The following TRPM2 variants were observed in gnomAD, a reference collection of about 807,000 sequenced individuals.
TRPM2 encodes estrogen-responsive element-associated gene 1 protein.
TRPM2 carries 161 observed loss-of-function variants against 174.0 expected under a neutral mutation model. The ratio of observed to expected loss-of-function variants is 0.93; its 90% CI spans 0.81 to 1.05. TRPM2 has a LOEUF of 1.05. Among genes scored for constraint, TRPM2 ranks in the 50% least tolerant of loss-of-function variants. TRPM2 has a pLI of 0.00. For synonymous variants in TRPM2, 954 were observed against 861.3 expected, an observed-to-expected ratio of 1.11 and a Z score of -1.88; for missense variants, 2,057 against 2,038.0, an observed-to-expected ratio of 1.01 and a Z score of -0.18.
intron 2 of TRPM2, among the ~76,000 whole-genome samples, chr21:44,358,726 T>A (rs1468210064): frequency 1.3e-5 from 2 of 152,108 alleles, no homozygotes; most frequent in African/African-American, 2.4e-5. Flanking sequence ...TCTAGGGAAC[T>A]CCTTTCCCCA....
chr21:44,431,713 T>A (rs1217202229), intron 27 of TRPM2, among the ~76,000 whole-genome samples: 4 of 152,202 alleles, frequency 2.6e-5, no homozygotes, highest in African/African-American at 9.7e-5. Context: ...CCTGACCTCG[T>A]GATCCGCCCG....
At chr21:44,359,388 C>CTTAGGGGTTTGTACGGA (rs1006809249) in intron 2 of TRPM2, among the ~76,000 whole-genome samples, 1 of 151,958 alleles carries the variant, frequency 6.6e-6, no homozygotes, top group Non-Finnish European at 1.5e-5. Flanking sequence ...TGAGCGTGAC[C>CTTAGGGGTTTGTACGGA]TTAGGGGTTT....
chr21:44,379,248 C>T (rs1195347944), intron 8 of TRPM2, 51 bp downstream of exon 8: 7 of 1,585,692 alleles, frequency 4.4e-6, no homozygotes, highest in East Asian at 2.2e-5. Flanking sequence ...TTTGCAGAGA[C>T]ACTGTCAGCC....
Position 44,439,289 on chromosome 21 carries a change from C to T in TRPM2, c.4269+121C>T. On this transcript the variant is annotated intron_variant, in intron 30 of 31. Transcript: ENST00000397928. This position sits in a 1 kb window ranked among gnomAD's most constrained non-coding sequence, Gnocchi z 5.1. ...GTGGCAGCGGTCCCACCCAGCTTCA[C>T]CAGGTGACGGTGGTCCCAGCCCCTG... The T allele has an allele frequency of 1.2e-6, 1 of 853,844 alleles. No homozygotes were observed. The highest frequency in any genetic ancestry group is 1.9e-6 in the Non-Finnish European group (1 of 538,442). 52.9% of individuals were successfully genotyped at this position (853,844 alleles called of 1,614,324 possible).
At chr21:44,400,034 C>A (rs2049562497) in intron 14 of TRPM2, among the ~76,000 whole-genome samples, 1 of 152,210 alleles carries the variant, frequency 6.6e-6, no homozygotes, top group South Asian at 2.1e-4. Flanking sequence ...AACTGCGGGG[C>A]CTTCGAAGCC....
intron 9 of TRPM2, among the ~76,000 whole-genome samples, chr21:44,389,986 C>T (rs529408345): frequency 1.6e-4 from 25 of 151,812 alleles, no homozygotes; most frequent in African/African-American, 5.8e-4. Context: ...CATTCTCCAG[C>T]TTCAGCCTCC....
Position 44,430,515 on chromosome 21 carries a change from C to T in TRPM2, c.3974+3404C>T, listed in dbSNP as rs1394642061. On this transcript the variant is annotated intron_variant, in intron 27 of 31. Transcript: ENST00000397928. The stretch of plus-strand genomic sequence containing the variant: ...CGCAATCTCGGCTCACTGCAAGCTC[C>T]GCTTCCCGGGTTCACGCCATTCTCC... Among the ~76,000 whole-genome samples, 2 of 14,404 alleles carry T rather than the reference C, an allele frequency of 1.4e-4. 1 individual carries two copies. The highest frequency in any genetic ancestry group is 3.0e-4 in the Non-Finnish European group (2 of 6,762). The allele number at this position is 14,404 out of a possible 152,430, so 9.4% of individuals were successfully genotyped here.
At position 44,368,362 on chromosome 21, in the gene TRPM2, C is replaced by T. The variant is rs1347857480; in HGVS notation, c.605-815C>T. Among the ~76,000 whole-genome samples, 6 of 152,152 alleles carry T rather than the reference C, an allele frequency of 3.9e-5. No individual in the cohort carries two copies. In the East Asian group the frequency reaches 1.2e-3, roughly 29 times the overall value. On this transcript the variant is annotated intron_variant, in intron 4 of 31. Transcript: ENST00000397928. ...GCTCAAGTAATCTTCCTGCCTTGGC[C>T]TCCCAAAGTGCTGGGATAACAGGCG...
chr21:44,435,339 G>A lies in TRPM2; in HGVS notation c.4061+122G>A, dbSNP rs914028577. ...GGGCGGCTTTGATGCTTGGCACTTGGTGCCTACTGGGGGGATGCGGGAGGC... is the reference window on the plus strand; with the variant it reads ...GGGCGGCTTTGATGCTTGGCACTTGATGCCTACTGGGGGGATGCGGGAGGC... On this transcript the variant is annotated intron_variant, in intron 28 of 31. Coordinates refer to ENST00000397928, the MANE Select transcript of TRPM2 (RefSeq NM_003307.4). 8.7e-6 allele frequency: 9 copies of A among 1,035,150 alleles called. No homozygotes were observed. The African/African-American group carries it at 1.4e-4, about 17-fold the overall frequency. The allele number at this position is 1,035,150 out of a possible 1,614,324, so 64.1% of individuals were successfully genotyped here. A position where few individuals can be genotyped will look rare whatever the true frequency, so the allele number is the denominator to read the frequency against.
At position 44,375,882 on chromosome 21, in the gene TRPM2, T is replaced by C. The variant is rs748161709; in HGVS notation, c.821T>C (p.Leu274Pro). Reference sequence around the variant, plus strand: ...CTGGATGAGGATGGCCAAGGGAACCTGACCTGCCTAGACAGCAACCACTCT... The same window carrying C: ...CTGGATGAGGATGGCCAAGGGAACCCGACCTGCCTAGACAGCAACCACTCT... ...YILDEDGQGN[L>P]TCLDSNHSHF... Residue 274 changes from leucine (L) to proline (P), a missense_variant, in exon 6 of 32, where the codon CTG becomes CCG. Transcript: ENST00000397928. The C allele has an allele frequency of 8.1e-6, 13 of 1,613,914 alleles. No homozygotes were observed. Among genetic ancestry groups the C allele is most frequent in the Non-Finnish European group, 1.1e-5 (13 of 1,180,006 alleles).
In TRPM2 at chr21:44,399,551, CT is replaced by C; in HGVS notation, c.2208+111del. The C allele has an allele frequency of 7.1e-7, 1 of 1,416,058 alleles. No individual in the cohort carries two copies. Among genetic ancestry groups the C allele is most frequent in the Non-Finnish European group, 9.3e-7 (1 of 1,073,008 alleles). The allele number at this position is 1,416,058 out of a possible 1,614,324, so 87.7% of individuals were successfully genotyped here. A position where few individuals can be genotyped will look rare whatever the true frequency, so the allele number is the denominator to read the frequency against. ...GCACACTCACACAGGCTTCAGGGCC[CT>C]CAGCAGCTCGGGGACAGCGCCTGAC... On this transcript the variant is annotated intron_variant, in intron 14 of 31. Transcript: ENST00000397928. This position sits in a 1 kb window ranked among gnomAD's most constrained non-coding sequence, Gnocchi z 4.6.
At chr21:44,414,188 A>T in intron 20 of TRPM2, 114 bp downstream of exon 20, 1 of 1,341,764 alleles carries the variant, frequency 7.5e-7, no homozygotes, top group Non-Finnish European at 1.0e-6. Flanking sequence ...GGGCTGGTGC[A>T]CAGAGGCGCG....
At chr21:44,364,502 G>A (rs1266941473) in intron 3 of TRPM2, among the ~76,000 whole-genome samples, 1 of 152,204 alleles carries the variant, frequency 6.6e-6, no homozygotes, top group African/African-American at 2.4e-5. Context: ...GCAAAGCAGG[G>A]TGGGGCACAG....
Position 44,409,613 on chromosome 21 carries a change from G to A in TRPM2, c.2962+2848G>A, listed in dbSNP as rs978336351. 1.1e-3 allele frequency among the ~76,000 whole-genome samples: 96 copies of A among 86,694 alleles called. 3 individuals are homozygous for A. In the Middle Eastern group the frequency reaches 0.026, roughly 24 times the overall value. 56.9% of individuals were successfully genotyped at this position (86,694 alleles called of 152,430 possible). On this transcript the variant is annotated intron_variant, in intron 19 of 31. Coordinates refer to ENST00000397928, the MANE Select transcript of TRPM2 (RefSeq NM_003307.4). Reference sequence around the variant, plus strand: ...GTCTTGGTTGGCGTAGCCTTGTAGTGAGTTTTGACTGCACTGTCTTGGCGT... The same window carrying A: ...GTCTTGGTTGGCGTAGCCTTGTAGTAAGTTTTGACTGCACTGTCTTGGCGT...
At chr21:44,377,800 A>G in intron 7 of TRPM2, 27 bp downstream of exon 7, 1 of 1,613,266 alleles carries the variant, frequency 6.2e-7, no homozygotes, top group Non-Finnish European at 8.5e-7. Flanking sequence ...GGGAGGGGGC[A>G]TGTGTGGGCC....
In TRPM2 at chr21:44,379,014, C is replaced by T. The variant is rs928475480; in HGVS notation, c.1032C>T (p.Thr344=). 1.1e-5 allele frequency: 17 copies of T among 1,607,234 alleles called. No homozygotes were observed. The African/African-American group carries it at 1.7e-4, about 16-fold the overall frequency. ...CCTTGCAGACCATCGACAACGCCAC[C>T]ACCAACGGCACCCCCTGTGTGGTTG... ...PGTLHTIDNA[T]TNGTPCVVVE... is the part of the protein sequence containing the mutation. Residue 344 remains threonine, a synonymous_variant, in exon 8 of 32, where the codon ACC becomes ACT. Coordinates refer to ENST00000397928, the MANE Select transcript of TRPM2 (RefSeq NM_003307.4).
intron 5 of TRPM2, 71 bp from the exon 6 acceptor site, chr21:44,375,762 T>C: frequency 1.4e-5 from 21 of 1,510,572 alleles, no homozygotes; most frequent in Non-Finnish European, 1.9e-5. Context: ...TGAGGGCCGG[T>C]GTTCAGCCTG....
chr21:44,404,235 GCA>G (rs562608642), intron 16 of TRPM2, among the ~76,000 whole-genome samples: 38 of 150,866 alleles, frequency 2.5e-4, no homozygotes, highest in African/African-American at 5.9e-4. Flanking sequence ...ACATACACAT[GCA>G]CACACACAAA....
rs140290337 is a variant in TRPM2 at position 44,425,809 on chromosome 21, C to T, written c.3777C>T (p.Asn1259=). 2.5e-3 allele frequency: 3,983 copies of T among 1,576,704 alleles called. 21 individuals carry two copies. Among genetic ancestry groups the T allele is most frequent in the Middle Eastern group, 0.017 (82 of 4,870 alleles). Residue 1259 remains asparagine, a synonymous_variant, in exon 25 of 32, where the codon AAC becomes AAT. Coordinates refer to ENST00000397928, the MANE Select transcript of TRPM2 (RefSeq NM_003307.4). ...NCPVTRFPVP[N]EKVPWETEFL... is the part of the protein sequence containing the mutation. ...CTGTCACGCGCTTCCCCGTGCCCAACGAGAAGGTGCCCTGGGAGGTGAGCG... is the reference window on the plus strand; with the variant it reads ...CTGTCACGCGCTTCCCCGTGCCCAATGAGAAGGTGCCCTGGGAGGTGAGCG...
Sources: allele counts gnomAD v4.1 joint callset (sites outside exome capture counted in the v4.1 genomes callset), GRCh38; gene constraint gnomAD v4.1.1; non-coding constraint Gnocchi (gnomAD v3.1); transcripts MANE v1.5; gene names NCBI Gene and HGNC (gene_info 2026-07-23, HGNC 2026-07-21).